The following EGFR variants were observed in gnomAD, a reference collection of about 807,000 sequenced individuals.
The protein encoded by EGFR is epidermal growth factor receptor, also known as avian erythroblastic leukemia viral (v-erb-b) oncogene homolog.
In EGFR, 58 loss-of-function variants were observed where a neutral mutation model predicts 143.0. The observed-to-expected ratio is 0.41, with a 90% CI of 0.33 to 0.50. EGFR has a LOEUF of 0.50. Among genes scored for constraint, EGFR ranks in the 20% least tolerant of loss-of-function variants. The probability of loss-of-function intolerance (pLI) is 0.39; values close to 1 mark genes in which losing one functional copy is unlikely to be tolerated. For missense variants in EGFR, 1,307 were observed against 1,579.0 expected (o/e 0.83, Z 2.92); for synonymous variants, 613 against 594.4 (o/e 1.03, Z -0.45).
At chr7:55,059,899 C>G (rs1388001098) in intron 1 of EGFR, among the ~76,000 whole-genome samples, 1 of 151,948 alleles carries the variant, frequency 6.6e-6, no homozygotes, top group Non-Finnish European at 1.5e-5. Context: ...ATGTTCTGAC[C>G]CAGATAAGGG....
At chr7:55,059,650 T>C (rs563768082) in intron 1 of EGFR, among the ~76,000 whole-genome samples, 1 of 152,132 alleles carries the variant, frequency 6.6e-6, no homozygotes, top group South Asian at 2.1e-4. Context: ...CTCCCCAAAC[T>C]GTGGCAACCA....
rs577343183 is a variant in EGFR at position 55,147,392 on chromosome 7, G to A, written c.559+652G>A. On this transcript the variant is annotated intron_variant, in intron 4 of 27. Coordinates refer to ENST00000275493, the MANE Select transcript of EGFR (RefSeq NM_005228.5). ...CACTCACCCAGCTCCCCTGGGCTGCGCCCGTTCCTGATCGCTTGGACTTTC... is the reference window on the plus strand; with the variant it reads ...CACTCACCCAGCTCCCCTGGGCTGCACCCGTTCCTGATCGCTTGGACTTTC... 1.0e-3 allele frequency among the ~76,000 whole-genome samples: 155 copies of A among 152,228 alleles called. 3 individuals are homozygous for A. The Middle Eastern group carries it at 0.01, about 10-fold the overall frequency.
chr7:55,171,307 T>C, intron 16 of EGFR, 94 bp downstream of exon 16: 1 of 1,544,464 alleles, frequency 6.5e-7, no homozygotes, highest in Non-Finnish European at 8.9e-7. Context: ...GACTGTCCTC[T>C]GTCCTGATCA....
chr7:55,081,731 T>TTTA (rs1554326154), intron 1 of EGFR, among the ~76,000 whole-genome samples: 3,347 of 151,372 alleles, frequency 0.022, 63 homozygotes, highest in Non-Finnish European at 0.032. Flanking sequence ...TTTTTTTTTT[T>TTTA]TTATTTGCAA....
intron 1 of EGFR, among the ~76,000 whole-genome samples, chr7:55,086,524 T>C (rs1790769830): frequency 6.6e-6 from 1 of 152,228 alleles, no homozygotes; most frequent in African/African-American, 2.4e-5. Context: ...GGTGACTTTT[T>C]TTCTTCTATG....
In EGFR at chr7:55,020,559, T is replaced by TACACACACACACAC. The variant is rs11568315; in HGVS notation, c.88+1215_88+1228dup. 2.3e-3 allele frequency among the ~76,000 whole-genome samples: 327 copies of TACACACACACACAC among 145,234 alleles called. 6 individuals carry two copies. Among genetic ancestry groups the TACACACACACACAC allele is most frequent in the African/African-American group, 5.4e-3 (212 of 39,236 alleles). ...GCCAACCAAAATATTAAACCTGTCT[T>TACACACACACACAC]ACACACACACACACACACACACACA... is the stretch of plus-strand genomic sequence containing the variant. On this transcript the variant is annotated intron_variant, in intron 1 of 27. Transcript: ENST00000275493.
At chr7:55,094,538 G>A (rs1222670297) in intron 1 of EGFR, among the ~76,000 whole-genome samples, 2 of 152,216 alleles carry the variant, frequency 1.3e-5, no homozygotes, top group Non-Finnish European at 2.9e-5. Flanking sequence ...CTCAGAGGAG[G>A]GAGTGAGAAC....
At chr7:55,023,422 G>A (rs895202440) in intron 1 of EGFR, among the ~76,000 whole-genome samples, 2 of 152,116 alleles carry the variant, frequency 1.3e-5, no homozygotes, top group South Asian at 4.1e-4. Flanking sequence ...GGCCGAGGCA[G>A]GCGAATCATG....
Position 55,156,651 on chromosome 7 carries a change from A to T in EGFR, c.1125A>T (p.Ala375=). ...ISGDLHILPV[A]FRGDSFTHTP... Reference sequence around the variant, plus strand: ...GCGATCTCCACATCCTGCCGGTGGCATTTAGGGGGTGAGTCACAGGTTCAG... The same window carrying T: ...GCGATCTCCACATCCTGCCGGTGGCTTTTAGGGGGTGAGTCACAGGTTCAG... The change falls in exon 9 of 28, where the codon GCA becomes GCT. Residue 375 remains alanine (A), a synonymous_variant. Coordinates refer to ENST00000275493, the MANE Select transcript of EGFR (RefSeq NM_005228.5). The T allele has an allele frequency of 6.2e-7, 1 of 1,614,226 alleles. No homozygotes were observed. The highest frequency in any genetic ancestry group is 8.5e-7 in the Non-Finnish European group (1 of 1,180,042).
In EGFR at chr7:55,200,103, G is replaced by T. The variant is rs41384551; in HGVS notation, c.2849-213G>T. Among the ~76,000 whole-genome samples, 521 of 152,326 alleles carry T rather than the reference G, an allele frequency of 3.4e-3. 4 individuals carry two copies. Among genetic ancestry groups the T allele is most frequent in the African/African-American group, 0.012 (499 of 41,572 alleles). On this transcript the variant is annotated intron_variant, in intron 23 of 27. Transcript: ENST00000275493. ...CGTAGAAAAACTAGAGGGCATTATT[G>T]TTATTCTGATTCAAATGTACAGTGC...
chr7:55,034,567 A>C (rs996673650), intron 1 of EGFR, among the ~76,000 whole-genome samples: 1 of 152,172 alleles, frequency 6.6e-6, no homozygotes, highest in Non-Finnish European at 1.5e-5. Context: ...TCTGAGGTCC[A>C]TCCTCAGAAA....
In EGFR at chr7:55,205,823, A is replaced by G. The variant is rs1224862405; in HGVS notation, c.*206A>G. 4.5e-6 allele frequency: 3 copies of G among 673,676 alleles called. No individual in the cohort carries two copies. In the Admixed American group the frequency reaches 8.0e-5, roughly 18 times the overall value. 41.7% of individuals were successfully genotyped at this position (673,676 alleles called of 1,614,324 possible). ...TGCATTCCTTTGTCTTCAAACTGTG[A>G]AGCATTTACAGAAACGCATCCAGCA... On this transcript the variant is annotated 3_prime_UTR_variant, in exon 28 of 28. Coordinates refer to ENST00000275493, the MANE Select transcript of EGFR (RefSeq NM_005228.5).
intron 27 of EGFR, among the ~76,000 whole-genome samples, chr7:55,203,465 ACACACACAC>A (rs1787956564): frequency 1.4e-5 from 1 of 73,874 alleles, no homozygotes; most frequent in African/African-American, 4.9e-5. Context: ...ATGCACACAT[ACACACACAC>A]CACACATACA....
At chr7:55,103,476 T>C (rs139482250) in intron 1 of EGFR, among the ~76,000 whole-genome samples, 1 of 152,358 alleles carries the variant, frequency 6.6e-6, no homozygotes, top group East Asian at 1.9e-4. Context: ...CAGAATGTGA[T>C]CCACCATTTA....
intron 1 of EGFR, among the ~76,000 whole-genome samples, chr7:55,036,841 T>A (rs540952365): frequency 2.7e-4 from 41 of 152,262 alleles, no homozygotes; most frequent in Non-Finnish European, 5.9e-4. Context: ...ACCTCCTCTC[T>A]TAACAGGCAT....
chr7:55,080,270 T>C (rs1790386736), intron 1 of EGFR, among the ~76,000 whole-genome samples: 2 of 152,056 alleles, frequency 1.3e-5, no homozygotes, highest in Non-Finnish European at 2.9e-5. Context: ...GACTTAATAG[T>C]TATAATAATC....
rs989399377 is a variant in EGFR at position 55,209,047 on chromosome 7, G to C, written c.*3430G>C. On this transcript the variant is annotated 3_prime_UTR_variant, in exon 28 of 28. Coordinates refer to ENST00000275493, the MANE Select transcript of EGFR (RefSeq NM_005228.5). Reference sequence around the variant, plus strand: ...TCACTAGGCCTCTGATTGCACTTGTGTAGGATGAAGCTGGTGGGTGATGGG... The same window carrying C: ...TCACTAGGCCTCTGATTGCACTTGTCTAGGATGAAGCTGGTGGGTGATGGG... 2.0e-5 allele frequency: 3 copies of C among 152,162 alleles called. No individual in the cohort carries two copies. The highest frequency in any genetic ancestry group is 2.9e-5 in the Non-Finnish European group (2 of 68,066). The allele number at this position is 152,162 out of a possible 1,614,324, so 9.4% of individuals were successfully genotyped here. A position where few individuals can be genotyped will look rare whatever the true frequency, so the allele number is the denominator to read the frequency against.
At chr7:55,104,970 G>A (rs1028135746) in intron 1 of EGFR, among the ~76,000 whole-genome samples, 12 of 152,232 alleles carry the variant, frequency 7.9e-5, no homozygotes, top group African/African-American at 2.9e-4. Context: ...AAATCTGGAT[G>A]AGTAAGAATT....
intron 24 of EGFR, 146 bp from the exon 25 acceptor site, chr7:55,201,042 T>A (rs1787823696): frequency 1.0e-6 from 1 of 965,320 alleles, no homozygotes; most frequent in Non-Finnish European, 1.6e-6. Context: ...GAGGCAGCTA[T>A]AATTTAGAGA....
Sources: gnomAD v4.1 joint callset for allele counts (sites outside exome capture counted in the v4.1 genomes callset) on GRCh38, gnomAD v4.1.1 for gene constraint, MANE v1.5 for transcripts, NCBI Gene and HGNC (gene_info 2026-07-23, HGNC 2026-07-21) for gene names.